LRP4: variants seen among roughly 807,000 people sequenced by gnomAD.
LRP4 encodes the protein LDL receptor related protein 4, also known as low-density lipoprotein receptor-related protein 4.
In LRP4, 95 loss-of-function variants were observed where a neutral mutation model predicts 220.3. That is an observed-to-expected ratio of 0.43 (90% CI 0.37 to 0.51). LRP4 has a LOEUF of 0.51. Among genes scored for constraint, LRP4 ranks in the 20% least tolerant of loss-of-function variants. The pLI, the probability that LRP4 is intolerant of heterozygous loss-of-function variation, is 0.00. For missense variants in LRP4, 1,925 were observed against 2,567.0 expected (o/e 0.75, Z 5.40); for synonymous variants, 903 against 954.6 (o/e 0.95, Z 1.00).
chr11:46,867,877 A>G, intron 34 of LRP4, 102 bp downstream of exon 34: 1 of 1,409,160 alleles, frequency 7.1e-7, no homozygotes, highest in African/African-American at 1.4e-5. Flanking sequence ...AGCTCCTGAC[A>G]TAATCTATCT....
Position 46,879,202 on chromosome 11 carries a change from C to T in LRP4, c.2928G>A (p.Gly976=). ...TCTCCTGCAGAGTCTCCCGGTCCAG[C>T]CCTGTCAGCCGGTCAGCGCTCTGTA... ...KSIQSADRLT[G]LDRETLQENL... The change falls in exon 21 of 38, where the codon GGG becomes GGA. Residue 976 remains glycine (G), a synonymous_variant. Transcript: ENST00000378623. 2 of 1,614,238 alleles carry T rather than the reference C, an allele frequency of 1.2e-6. No individual in the cohort carries two copies.
intron 23 of LRP4, 131 bp downstream of exon 23, chr11:46,877,068 G>A: frequency 1.8e-6 from 2 of 1,097,954 alleles, no homozygotes; most frequent in Admixed American, 3.4e-5. Flanking sequence ...CAGGGACAGG[G>A]GCTATGCCAG....
chr11:46,916,643 C>G (rs1461440854), intron 1 of LRP4, among the ~76,000 whole-genome samples: 1 of 152,040 alleles, frequency 6.6e-6, no homozygotes, highest in Admixed American at 6.6e-5. Context: ...CTCCCCCTTC[C>G]CTAGGGCAGA....
At chr11:46,902,201 T>C (rs563366361) in intron 2 of LRP4, among the ~76,000 whole-genome samples, 2 of 151,472 alleles carry the variant, frequency 1.3e-5, no homozygotes, top group Non-Finnish European at 2.9e-5. Context: ...CTACTAAAAA[T>C]ACAAAAAATT....
Position 46,864,481 on chromosome 11 carries a change from A to G in LRP4, c.5210T>C (p.Ile1737Thr), listed in dbSNP as rs1363513279. The G allele has an allele frequency of 1.2e-6, 2 of 1,613,788 alleles. No homozygotes were observed. Among genetic ancestry groups the G allele is most frequent in the East Asian group, 4.5e-5 (2 of 44,888 alleles). ...AIGGLLSILL[I>T]LVVIAALMLY... ...CATCAAAGCTGCAATCACCACCAAA[A>G]TCAGCAGAATACTGAGGAGTCCACC... The change falls in exon 36 of 38, where the codon ATT (isoleucine) becomes ACT (threonine). Residue 1737 changes from isoleucine (I) to threonine (T), a missense_variant. By Grantham distance (89) the Ile-to-Thr change is moderately conservative. Coordinates refer to ENST00000378623, the MANE Select transcript of LRP4 (RefSeq NM_002334.4).
Position 46,868,991 on chromosome 11 carries a change from T to A in LRP4, c.4834A>T (p.Thr1612Ser). 6.2e-7 allele frequency: 1 copy of A among 1,614,160 alleles called. No homozygotes were observed. Among genetic ancestry groups the A allele is most frequent in the South Asian group, 1.1e-5 (1 of 91,078 alleles). Residue 1612 changes from threonine to serine, a missense_variant, in exon 32 of 38, where the codon ACA (threonine) becomes TCA (serine). Around this residue, in one of 3 missense-constraint regions of LRP4, gnomAD observed 1,244 missense variants for 1,624.9 expected, o/e 0.77. Transcript: ENST00000378623. ...GGCTCAGTACCCGGGAGCCCACCTG[T>A]CTGCCGCTGAGGGGAAACCACGATG... Reference protein sequence around the residue: ...DIIVVSPQRQTGTNACGVNNG... With the variant: ...DIIVVSPQRQSGTNACGVNNG...
chr11:46,862,299 A>G (rs1021928120), intron 37 of LRP4, among the ~76,000 whole-genome samples: 3 of 152,148 alleles, frequency 2.0e-5, no homozygotes, highest in African/African-American at 4.8e-5. Flanking sequence ...GGGGAATGAC[A>G]GTTCCTGGAG....
intron 32 of LRP4, 99 bp from the exon 33 acceptor site, chr11:46,868,812 CAGGGA>C: frequency 8.1e-7 from 1 of 1,239,332 alleles, no homozygotes; most frequent in Non-Finnish European, 1.2e-6. Flanking sequence ...ACCCTACTCC[CAGGGA>C]CAGGGGAGGA....
Position 46,880,796 on chromosome 11 carries a change from C to T in LRP4, c.2814+906G>A, listed in dbSNP as rs535115337. On this transcript the variant is annotated intron_variant, in intron 20 of 37. Transcript: ENST00000378623. ...ACTATGATTAGACAGTAATATTGGG[C>T]CGGGCATGGTGGCTCGTGCCTATAA... 1.3e-3 allele frequency among the ~76,000 whole-genome samples: 197 copies of T among 151,754 alleles called. No individual in the cohort carries two copies. The Middle Eastern group carries it at 0.017, about 13-fold the overall frequency.
chr11:46,892,424 G>A (rs1213083793), intron 13 of LRP4, among the ~76,000 whole-genome samples: 1 of 151,926 alleles, frequency 6.6e-6, no homozygotes, highest in Non-Finnish European at 1.5e-5. Context: ...CTATGATGGA[G>A]GTATTTTTTT....
intron 1 of LRP4, among the ~76,000 whole-genome samples, chr11:46,912,345 T>C (rs891845749): frequency 3.9e-5 from 6 of 152,172 alleles, no homozygotes; most frequent in African/African-American, 1.2e-4. Flanking sequence ...ATCCCACAAT[T>C]TGCAAAAATT....
chr11:46,861,716 C>T (rs905061917), intron 37 of LRP4, among the ~76,000 whole-genome samples: 1 of 151,462 alleles, frequency 6.6e-6, no homozygotes, highest in Non-Finnish European at 1.5e-5. Flanking sequence ...ATTTTTCATG[C>T]CTTCACATTG....
chr11:46,868,562 G>C (rs1940765128), intron 33 of LRP4, 38 bp downstream of exon 33: 1 of 1,446,898 alleles, frequency 6.9e-7, no homozygotes, highest in African/African-American at 1.4e-5. Context: ...CCTTCCAGGG[G>C]CTCTGCCGAG....
At chr11:46,864,864 G>A (rs1401683422) in intron 35 of LRP4, among the ~76,000 whole-genome samples, 1 of 152,212 alleles carries the variant, frequency 6.6e-6, no homozygotes, top group Non-Finnish European at 1.5e-5. Context: ...GAAATTACAT[G>A]AGAGTATGTA....
At chr11:46,902,358 CAAAAAA>C (rs58839181) in intron 2 of LRP4, among the ~76,000 whole-genome samples, 3 of 92,410 alleles carry the variant, frequency 3.2e-5, no homozygotes, top group Admixed American at 1.1e-4. Context: ...GACTCTGTAT[CAAAAAA>C]AAAAAAAAAA....
Position 46,875,010 on chromosome 11 carries a change from T to G in LRP4, c.4019A>C (p.Gln1340Pro). 1 of 1,614,102 alleles carries G rather than the reference T, an allele frequency of 6.2e-7. No individual in the cohort carries two copies. The highest frequency in any genetic ancestry group is 2.2e-5 in the East Asian group (1 of 44,886). Residue 1340 changes from glutamine to proline, a missense_variant, in exon 28 of 38, where the codon CAG becomes CCG. Physicochemically the swap from Gln to Pro is moderately conservative, Grantham distance 76. Around this residue, in one of 3 missense-constraint regions of LRP4, gnomAD observed 1,244 missense variants for 1,624.9 expected, o/e 0.77. Transcript: ENST00000378623. This position sits in a 1 kb window ranked among gnomAD's most constrained non-coding sequence, Gnocchi z 4.5. The part of the protein sequence containing the change: ...GFSCACPTGI[Q>P]LKGDGKTCDP... ...ACAGGTCTTCCCATCTCCCTTCAGC[T>G]GGATGCCAGTGGGGCAGGCACAGGA...
chr11:46,859,296 T>C lies in LRP4; in HGVS notation c.5405A>G (p.Tyr1802Cys), dbSNP rs1238593419. Residue 1802 changes from tyrosine (Y) to cysteine (C), a missense_variant, in exon 38 of 38, where the codon TAC (tyrosine) becomes TGC (cysteine). Tyr to Cys is a radical substitution (Grantham distance 194, BLOSUM62 -2). Around this residue, in one of 3 missense-constraint regions of LRP4, gnomAD observed 1,244 missense variants for 1,624.9 expected, o/e 0.77. Coordinates refer to ENST00000378623, the MANE Select transcript of LRP4 (RefSeq NM_002334.4). The stretch of plus-strand genomic sequence containing the variant: ...TACGATCTTGATCTTCTCCTTGGTG[T>C]AGTTATGGTCAGGCCCTCCCTAGGG... ...YKKEGGPDHN[Y>C]TKEKIKIVEG... is the part of the protein sequence containing the mutation. The C allele has an allele frequency of 6.2e-7, 1 of 1,613,866 alleles. No homozygotes were observed. Among genetic ancestry groups the C allele is most frequent in the African/African-American group, 1.3e-5 (1 of 74,854 alleles).
intron 3 of LRP4, 83 bp downstream of exon 3, chr11:46,900,179 G>T: frequency 9.1e-7 from 1 of 1,102,140 alleles, no homozygotes; most frequent in Non-Finnish European, 1.4e-6. Flanking sequence ...GGGCTCATGT[G>T]GACCTGGGGC....
chr11:46,900,756 G>T (rs577759943), intron 2 of LRP4, among the ~76,000 whole-genome samples: 117 of 151,218 alleles, frequency 7.7e-4, no homozygotes, highest in African/African-American at 2.8e-3. Context: ...CTCCCAAAGT[G>T]CTGGGATTAC....
Sources: allele counts gnomAD v4.1 joint callset (sites outside exome capture counted in the v4.1 genomes callset), GRCh38; gene constraint gnomAD v4.1.1; regional missense constraint gnomAD v4.1.1; non-coding constraint Gnocchi (gnomAD v3.1); transcripts MANE v1.5; gene names NCBI Gene and HGNC (gene_info 2026-07-23, HGNC 2026-07-21).